Variants in DMD observed in about 807,000 individuals in gnomAD.
DMD encodes mutant dystrophin.
Under a neutral mutation model 330.1 loss-of-function variants are expected in DMD, and 63 were observed. The ratio of observed to expected loss-of-function variants is 0.19; its 90% CI spans 0.16 to 0.24. DMD has a LOEUF of 0.24. Ranked by LOEUF, DMD falls within the 10% of genes least tolerant of loss-of-function variation. The probability of loss-of-function intolerance (pLI) is 1.00; values close to 1 mark genes in which losing one functional copy is unlikely to be tolerated. For synonymous variants in DMD, 1,223 were observed against 959.8 expected (o/e 1.27, Z -5.07); for missense variants, 3,344 against 2,684.1 (o/e 1.25, Z -5.43).
chrX:33,220,026 G>A (rs1254122685), intron 1 of DMD, among the ~76,000 whole-genome samples: 1 of 111,461 alleles, frequency 9.0e-6, no homozygotes, highest in African/African-American at 3.3e-5. Context: ...TCAAGGTAAA[G>A]GAATAATGTT....
chrX:31,934,978 T>C lies in DMD; in HGVS notation c.6615-2751A>G, dbSNP rs138335384. ...TTCAAAGCCTTTTGTTGATTTCTTA[T>C]GTATGGTTAACCTTACGGTTCCTCC... On this transcript the variant is annotated intron_variant, in intron 45 of 78. Coordinates refer to ENST00000357033, the MANE Select transcript of DMD (RefSeq NM_004006.3). Among the ~76,000 whole-genome samples, 1,019 of 112,264 alleles carry C rather than the reference T, an allele frequency of 9.1e-3. 18 individuals are homozygous for C. The highest frequency in any genetic ancestry group is 0.031 in the African/African-American group (972 of 30,888).
At chrX:31,411,676 C>G (rs1043901448) in intron 60 of DMD, among the ~76,000 whole-genome samples, 7 of 110,953 alleles carry the variant, frequency 6.3e-5, no homozygotes, top group Admixed American at 2.9e-4. Flanking sequence ...CACTGTCACC[C>G]AGGCTGGAGT....
chrX:32,767,903 G>A (rs1034050362), intron 7 of DMD, among the ~76,000 whole-genome samples: 13 of 111,239 alleles, frequency 1.2e-4, no homozygotes, highest in African/African-American at 3.6e-4. Flanking sequence ...TGGGAGAAAG[G>A]TGCAATACAC....
intron 26 of DMD, among the ~76,000 whole-genome samples, chrX:32,452,086 T>A (rs749301548): frequency 2.4e-3 from 265 of 108,360 alleles, no homozygotes; most frequent in Non-Finnish European, 3.9e-3. Context: ...CATAGGCAAA[T>A]CGCTCATAGG....
intron 29 of DMD, among the ~76,000 whole-genome samples, chrX:32,436,664 C>T (rs1426933605): frequency 1.8e-5 from 2 of 111,465 alleles, no homozygotes; most frequent in Non-Finnish European, 3.8e-5. Context: ...TGAAAAATGT[C>T]AAACACTGAA....
intron 52 of DMD, among the ~76,000 whole-genome samples, chrX:31,709,730 C>T (rs2148905081): frequency 9.0e-6 from 1 of 110,522 alleles, no homozygotes; most frequent in Non-Finnish European, 1.9e-5. Flanking sequence ...TAAGAGTGCA[C>T]ATATTTCTTA....
At chrX:31,778,507 TA>T (rs772236310) in intron 50 of DMD, among the ~76,000 whole-genome samples, 2 of 111,135 alleles carry the variant, frequency 1.8e-5, no homozygotes, top group African/African-American at 3.3e-5. Context: ...GGCATGTATA[TA>T]TTTTTTTCAT....
At chrX:32,812,969 C>A (rs2077479697) in intron 6 of DMD, among the ~76,000 whole-genome samples, 1 of 111,302 alleles carries the variant, frequency 9.0e-6, no homozygotes, top group South Asian at 3.8e-4. Context: ...GTTTTCTCAT[C>A]TATGGCATAG....
At chrX:31,184,608 T>G (rs1297807692) in intron 67 of DMD, among the ~76,000 whole-genome samples, 1 of 86,010 alleles carries the variant, frequency 1.2e-5, no homozygotes, top group Admixed American at 1.3e-4. Flanking sequence ...GCCATCCCAT[T>G]ACTGGGTATA....
chrX:32,000,326 T>C (rs16990010), intron 44 of DMD, among the ~76,000 whole-genome samples: 5,835 of 112,022 alleles, frequency 0.052, 334 homozygotes, highest in African/African-American at 0.17. Flanking sequence ...TGACTTCTAC[T>C]TAATCGTTGT....
At chrX:32,141,292 C>A (rs1016769761) in intron 44 of DMD, among the ~76,000 whole-genome samples, 2 of 108,027 alleles carry the variant, frequency 1.9e-5, no homozygotes, top group Non-Finnish European at 3.8e-5. Context: ...AACAAATAGC[C>A]TGGCGTGGTT....
intron 62 of DMD, among the ~76,000 whole-genome samples, chrX:31,291,016 A>G (rs2053648730): frequency 1.8e-5 from 2 of 112,620 alleles, no homozygotes; most frequent in Non-Finnish European, 3.7e-5. Context: ...AGTTATTTGC[A>G]GACTTGGATG....
intron 50 of DMD, among the ~76,000 whole-genome samples, chrX:31,794,862 C>A (rs1343499310): frequency 9.0e-6 from 1 of 111,118 alleles, no homozygotes; most frequent in Non-Finnish European, 1.9e-5. Context: ...GGATCAGAAA[C>A]GAAATTTAGG....
Position 32,529,378 on chromosome X carries a change from A to AATT in DMD, c.2169-11248_2169-11247insAAT, listed in dbSNP as rs1569139194. Among the ~76,000 whole-genome samples, 15 of 73,060 alleles carry AATT rather than the reference A, an allele frequency of 2.1e-4. 1 individual carries two copies. The highest frequency in any genetic ancestry group is 8.1e-4 in the African/African-American group (15 of 18,448). The allele number at this position is 73,060 out of a possible 115,157, so 63.4% of individuals were successfully genotyped here. On this transcript the variant is annotated intron_variant, in intron 17 of 78. Transcript: ENST00000357033. ...GCGAATTCCACCTTGGCAAAAATCAACTTTTTTTTTTTTTTTTTTTTTTTT... is the reference window on the plus strand; with the variant it reads ...GCGAATTCCACCTTGGCAAAAATCAAATTCTTTTTTTTTTTTTTTTTTTTTTTT...
intron 21 of DMD, among the ~76,000 whole-genome samples, chrX:32,477,971 T>A (rs2041414359): frequency 8.9e-6 from 1 of 112,020 alleles, no homozygotes; most frequent in Non-Finnish European, 1.9e-5. Context: ...TTCCACATTT[T>A]AAAATTTTAA....
intron 42 of DMD, among the ~76,000 whole-genome samples, chrX:32,293,227 A>G (rs1363096580): frequency 8.9e-6 from 1 of 112,582 alleles, no homozygotes; most frequent in Non-Finnish European, 1.9e-5. Flanking sequence ...GCAATTTCAC[A>G]TAGAGAATTG....
At chrX:31,195,056 G>A (rs1351589714) in intron 67 of DMD, among the ~76,000 whole-genome samples, 1 of 111,994 alleles carries the variant, frequency 8.9e-6, no homozygotes, top group Non-Finnish European at 1.9e-5. Flanking sequence ...TTGTCTTTGT[G>A]AGACAAGAAG....
intron 44 of DMD, among the ~76,000 whole-genome samples, chrX:32,104,221 T>C (rs1482378596): frequency 8.9e-6 from 1 of 112,324 alleles, no homozygotes; most frequent in Non-Finnish European, 1.9e-5. Context: ...ATTTTTGATG[T>C]ATTTCGGGAG....
At chrX:32,788,648 CTAA>C (rs2075591809) in intron 7 of DMD, among the ~76,000 whole-genome samples, 1 of 111,789 alleles carries the variant, frequency 8.9e-6, no homozygotes, top group African/African-American at 3.3e-5. Flanking sequence ...GCATATCTGG[CTAA>C]AATACAAACT....
Sources: gnomAD v4.1 joint callset for allele counts (sites outside exome capture counted in the v4.1 genomes callset) on GRCh38, gnomAD v4.1.1 for gene constraint, MANE v1.5 for transcripts, NCBI Gene and HGNC (gene_info 2026-07-23, HGNC 2026-07-21) for gene names.